RAB3C: variants seen among roughly 807,000 people sequenced by gnomAD.
RAB3C encodes the protein RAB3C, member RAS oncogene family.
Under a neutral mutation model 26.4 loss-of-function variants are expected in RAB3C, and 17 were observed. The ratio of observed to expected loss-of-function variants is 0.64; its 90% confidence interval spans 0.44 to 0.97. The LOEUF (loss-of-function observed/expected upper bound fraction) is 0.97, where lower values mean the gene tolerates loss of function less well. Among genes scored for constraint, RAB3C ranks in the 50% least tolerant of loss-of-function variants. The pLI is 0.00. For synonymous variants in RAB3C, 91 were observed against 95.9 expected, an observed-to-expected ratio of 0.95 and a Z score of 0.30; for missense variants, 242 against 281.9, an observed-to-expected ratio of 0.86 and a Z score of 1.01.
At chr5:58,834,888 A>G (rs1302120298) in intron 4 of RAB3C, among the ~76,000 whole-genome samples, 2 of 152,062 alleles carry the variant, frequency 1.3e-5, no homozygotes, top group Non-Finnish European at 2.9e-5. Context: ...TTATTTCATA[A>G]TCTTATGGAT....
intron 4 of RAB3C, among the ~76,000 whole-genome samples, chr5:58,832,083 C>T (rs1345553115): frequency 6.6e-6 from 1 of 152,194 alleles, no homozygotes; most frequent in African/African-American, 2.4e-5. Context: ...GTAATTGGTT[C>T]CACCCTTCAT....
At chr5:58,786,854 C>G (rs555946359) in intron 3 of RAB3C, among the ~76,000 whole-genome samples, 1 of 152,044 alleles carries the variant, frequency 6.6e-6, no homozygotes, top group Non-Finnish European at 1.5e-5. Flanking sequence ...GCCAGCCCCC[C>G]GCATAGGAAA....
At chr5:58,685,790 C>T (rs1748433030) in intron 2 of RAB3C, among the ~76,000 whole-genome samples, 1 of 152,098 alleles carries the variant, frequency 6.6e-6, no homozygotes, top group African/African-American at 2.4e-5. Context: ...CACTAAGTTC[C>T]GTGTTCTCTA....
At chr5:58,670,144 C>G (rs1266785444) in intron 2 of RAB3C, among the ~76,000 whole-genome samples, 1 of 152,096 alleles carries the variant, frequency 6.6e-6, no homozygotes. Context: ...TTCTTATTCT[C>G]TCTCCCACCA....
At chr5:58,750,758 T>A (rs1741504110) in intron 3 of RAB3C, among the ~76,000 whole-genome samples, 1 of 152,208 alleles carries the variant, frequency 6.6e-6, no homozygotes, top group Non-Finnish European at 1.5e-5. Context: ...TTGTAATTCA[T>A]TTCTTCATTT....
chr5:58,607,717 G>A (rs968220850), intron 1 of RAB3C, among the ~76,000 whole-genome samples: 3 of 152,146 alleles, frequency 2.0e-5, no homozygotes, highest in Non-Finnish European at 2.9e-5. Context: ...CTGATCTCTC[G>A]GCAGAAACCC....
At chr5:58,646,942 A>G (rs1366207604) in intron 2 of RAB3C, among the ~76,000 whole-genome samples, 2 of 152,184 alleles carry the variant, frequency 1.3e-5, no homozygotes, top group African/African-American at 2.4e-5. Context: ...ATCACACTCT[A>G]TATTGCTTAT....
In RAB3C at chr5:58,615,222, G is replaced by A. The variant is rs148904435; in HGVS notation, c.25-2421G>A. 1.5e-3 allele frequency among the ~76,000 whole-genome samples: 222 copies of A among 152,236 alleles called. 1 individual carries two copies. Among genetic ancestry groups the A allele is most frequent in the African/African-American group, 5.0e-3 (209 of 41,560 alleles). On this transcript the variant is annotated intron_variant, in intron 1 of 4. Coordinates refer to ENST00000282878, the MANE Select transcript of RAB3C (RefSeq NM_138453.4). ...CTCGGGCCTCAGTTTGAATGCCACC[G>A]TAGGGTTATGGGGCTGTAACAGATA...
At chr5:58,725,726 AG>A (rs1561301451) in intron 2 of RAB3C, among the ~76,000 whole-genome samples, 1 of 151,926 alleles carries the variant, frequency 6.6e-6, no homozygotes, top group Non-Finnish European at 1.5e-5. Flanking sequence ...AAATATTTAA[AG>A]TGTTGTATAT....
intron 3 of RAB3C, among the ~76,000 whole-genome samples, chr5:58,768,339 T>G (rs770467810): frequency 3.3e-5 from 5 of 152,158 alleles, no homozygotes; most frequent in African/African-American, 2.4e-5. Context: ...GCTTATTTTA[T>G]AAATTTCTTT....
chr5:58,747,544 C>T (rs552852797), intron 3 of RAB3C, among the ~76,000 whole-genome samples: 1 of 152,148 alleles, frequency 6.6e-6, no homozygotes, highest in East Asian at 1.9e-4. Flanking sequence ...CAGATGGTAA[C>T]CAAAAACATG....
intron 1 of RAB3C, among the ~76,000 whole-genome samples, chr5:58,608,468 C>A (rs1419883062): frequency 6.6e-6 from 1 of 152,118 alleles, no homozygotes. Context: ...CAGAGAAATG[C>A]AAATCAAAAC....
chr5:58,806,364 G>A (rs1421232543), intron 3 of RAB3C, among the ~76,000 whole-genome samples: 12 of 152,160 alleles, frequency 7.9e-5, no homozygotes, highest in Admixed American at 6.5e-4. Context: ...TGAGGAAGAA[G>A]GAACTCAGGC....
At chr5:58,595,486 C>G (rs1221877822) in intron 1 of RAB3C, among the ~76,000 whole-genome samples, 1 of 152,066 alleles carries the variant, frequency 6.6e-6, no homozygotes, top group Non-Finnish European at 1.5e-5. Flanking sequence ...GCCTAAATGT[C>G]AGATTACTCA....
intron 3 of RAB3C, among the ~76,000 whole-genome samples, chr5:58,813,226 G>T (rs1162284451): frequency 1.3e-5 from 2 of 152,070 alleles, no homozygotes; most frequent in African/African-American, 4.8e-5. Flanking sequence ...TTTCTTTATT[G>T]TTATATGTCT....
At chr5:58,672,613 GGTT>G (rs1256869598) in intron 2 of RAB3C, among the ~76,000 whole-genome samples, 1 of 152,028 alleles carries the variant, frequency 6.6e-6, no homozygotes, top group East Asian at 1.9e-4. Context: ...CTGGTTGGTT[GGTT>G]GTTTTTTCCA....
chr5:58,831,161 A>G (rs905343940), intron 4 of RAB3C, among the ~76,000 whole-genome samples: 1 of 152,142 alleles, frequency 6.6e-6, no homozygotes, highest in African/African-American at 2.4e-5. Context: ...GGTTACAGTC[A>G]TGAGCCACTG....
At chr5:58,711,793 G>A (rs890269729) in intron 2 of RAB3C, among the ~76,000 whole-genome samples, 4 of 151,944 alleles carry the variant, frequency 2.6e-5, no homozygotes, top group African/African-American at 9.7e-5. Flanking sequence ...ATCCTCCTCT[G>A]GAATACACAA....
At chr5:58,721,194 A>G (rs1477715434) in intron 2 of RAB3C, among the ~76,000 whole-genome samples, 1 of 151,470 alleles carries the variant, frequency 6.6e-6, no homozygotes, top group Non-Finnish European at 1.5e-5. Context: ...AAATTCCCCT[A>G]AAAACATGAT....
Sources: gnomAD v4.1 joint callset for allele counts (sites outside exome capture counted in the v4.1 genomes callset) on GRCh38, gnomAD v4.1.1 for gene constraint, MANE v1.5 for transcripts, NCBI Gene and HGNC (gene_info 2026-07-23, HGNC 2026-07-21) for gene names.